The following ARL5A variants were observed in gnomAD, a reference collection of about 807,000 sequenced individuals.
The protein encoded by ARL5A is ADP-ribosylation factor-like protein 5A.
Under a neutral mutation model 25.9 loss-of-function variants are expected in ARL5A, and 18 were observed. That is an observed-to-expected ratio of 0.69 (90% CI 0.48 to 1.03). The LOEUF is 1.03. Ranked by LOEUF, ARL5A falls within the 50% of genes least tolerant of loss-of-function variation. ARL5A has a pLI of 0.00. For synonymous variants in ARL5A, 61 were observed against 67.5 expected, an observed-to-expected ratio of 0.90 and a Z score of 0.47; for missense variants, 170 against 211.9, an observed-to-expected ratio of 0.80 and a Z score of 1.23.
chr2:151,820,875 G>A (rs2099832215), intron 1 of ARL5A, among the ~76,000 whole-genome samples: 1 of 152,088 alleles, frequency 6.6e-6, no homozygotes, highest in South Asian at 2.1e-4. Context: ...AGGGTAGAAG[G>A]AAAGATGAAA....
rs2099833368 is a variant in ARL5A at position 151,828,270 on chromosome 2, C to A, written c.-94G>T. The stretch of plus-strand genomic sequence containing the variant: ...GGAGGAGAGAGACGCGCTGGAGCCT[C>A]CGCCTCTGCTGCTGCTCCCGCGCTG... On this transcript the variant is annotated 5_prime_UTR_variant, in exon 1 of 6. Transcript: ENST00000295087. 8.8e-7 allele frequency: 1 copy of A among 1,142,000 alleles called. No homozygotes were observed. Among genetic ancestry groups the A allele is most frequent in the African/African-American group, 1.6e-5 (1 of 62,264 alleles). The allele number at this position is 1,142,000 out of a possible 1,614,324, so 70.7% of individuals were successfully genotyped here.
chr2:151,807,578 C>A (rs1024265648), intron 4 of ARL5A, among the ~76,000 whole-genome samples: 1 of 152,178 alleles, frequency 6.6e-6, no homozygotes, highest in Admixed American at 6.5e-5. Context: ...TACCTTCTAG[C>A]TGCATAGGAA....
chr2:151,820,694 A>AT (rs1263404324), intron 1 of ARL5A, among the ~76,000 whole-genome samples: 65 of 142,994 alleles, frequency 4.5e-4, no homozygotes, highest in South Asian at 8.9e-4. Context: ...AACAGAATCC[A>AT]TATGTCTGGC....
At chr2:151,819,019 C>A (rs897114380) in intron 1 of ARL5A, among the ~76,000 whole-genome samples, 1 of 151,750 alleles carries the variant, frequency 6.6e-6, no homozygotes, top group African/African-American at 2.4e-5. Context: ...ATTACTCTGA[C>A]CAATGAAATA....
chr2:151,812,940 T>C (rs2099831041), intron 3 of ARL5A, among the ~76,000 whole-genome samples: 1 of 152,168 alleles, frequency 6.6e-6, no homozygotes, highest in Non-Finnish European at 1.5e-5. Context: ...CTCTCTTCCT[T>C]ACATAAGTAT....
In ARL5A at chr2:151,804,095, T is replaced by C. The variant is rs80254537; in HGVS notation, c.492-771A>G. Among the ~76,000 whole-genome samples the C allele has an allele frequency of 3.7e-3, 564 of 152,286 alleles. 9 individuals are homozygous for C. In the East Asian group the frequency reaches 0.055, roughly 15 times the overall value. Reference sequence around the variant, plus strand: ...TTATAATAGGATAAAATGCTCATGATATAAATGAAAAATGGCAGGATATTC... The same window carrying C: ...TTATAATAGGATAAAATGCTCATGACATAAATGAAAAATGGCAGGATATTC... On this transcript the variant is annotated intron_variant, in intron 5 of 5. Transcript: ENST00000295087.
intron 3 of ARL5A, among the ~76,000 whole-genome samples, chr2:151,813,844 T>C (rs2099831157): frequency 6.6e-6 from 1 of 152,202 alleles, no homozygotes; most frequent in Non-Finnish European, 1.5e-5. Context: ...TCTCATTTGG[T>C]GAGCTAAACT....
At chr2:151,826,413 T>A (rs1052143875) in intron 1 of ARL5A, among the ~76,000 whole-genome samples, 13 of 152,218 alleles carry the variant, frequency 8.5e-5, no homozygotes, top group African/African-American at 2.4e-4. Context: ...CACACCCTTA[T>A]TATTTACTAC....
chr2:151,826,478 A>T (rs1006567310), intron 1 of ARL5A, among the ~76,000 whole-genome samples: 2 of 152,220 alleles, frequency 1.3e-5, no homozygotes, highest in Non-Finnish European at 2.9e-5. Context: ...GAAACAAATA[A>T]TTTTATCATT....
At chr2:151,817,900 G>A (rs2099831732) in intron 1 of ARL5A, among the ~76,000 whole-genome samples, 1 of 152,210 alleles carries the variant, frequency 6.6e-6, no homozygotes, top group Non-Finnish European at 1.5e-5. Context: ...AGCTACTTGG[G>A]AGGCTGAGGC....
At chr2:151,815,338 T>C (rs1037970991) in intron 1 of ARL5A, 139 bp from the exon 2 acceptor site, 3 of 650,560 alleles carry the variant, frequency 4.6e-6, no homozygotes, top group Non-Finnish European at 5.2e-6. Context: ...TTCTCAGAAG[T>C]CAAAAGAACA....
chr2:151,811,513 G>A (rs115384310), intron 4 of ARL5A, among the ~76,000 whole-genome samples: 1,892 of 151,516 alleles, frequency 0.012, 41 homozygotes, highest in African/African-American at 0.044. Context: ...TTATGTTACC[G>A]TAATATTTTT....
intron 1 of ARL5A, among the ~76,000 whole-genome samples, chr2:151,819,836 A>G (rs2099832023): frequency 6.6e-6 from 1 of 151,992 alleles, no homozygotes; most frequent in Non-Finnish European, 1.5e-5. Context: ...CAGGTGGATC[A>G]CAAAGTCAGG....
chr2:151,806,151 T>C (rs1211799740), intron 5 of ARL5A, among the ~76,000 whole-genome samples: 1 of 152,176 alleles, frequency 6.6e-6, no homozygotes, highest in Non-Finnish European at 1.5e-5. Context: ...GATTTGACAA[T>C]GCTGACCACA....
intron 1 of ARL5A, among the ~76,000 whole-genome samples, chr2:151,820,351 G>A (rs905000241): frequency 6.6e-6 from 1 of 152,016 alleles, no homozygotes; most frequent in Non-Finnish European, 1.5e-5. Flanking sequence ...TATAGTAGAT[G>A]ATACAGGGTA....
chr2:151,814,424 T>C, intron 2 of ARL5A, 108 bp from the exon 3 acceptor site: 1 of 865,770 alleles, frequency 1.2e-6, no homozygotes, highest in Non-Finnish European at 1.7e-6. Context: ...AATTTATACC[T>C]AAATATCTTT....
intron 1 of ARL5A, among the ~76,000 whole-genome samples, chr2:151,816,813 A>G (rs1475170367): frequency 1.3e-5 from 2 of 152,232 alleles, no homozygotes; most frequent in Non-Finnish European, 2.9e-5. Flanking sequence ...AGTAGCAATA[A>G]GCTGCAGCTC....
At chr2:151,817,324 T>C (rs1345171542) in intron 1 of ARL5A, among the ~76,000 whole-genome samples, 2 of 152,262 alleles carry the variant, frequency 1.3e-5, no homozygotes, top group East Asian at 1.9e-4. Flanking sequence ...TTCAACTGTA[T>C]AGAATACATA....
intron 1 of ARL5A, chr2:151,827,896 C>T (rs1298371186): frequency 1.8e-6 from 1 of 546,102 alleles, no homozygotes; most frequent in Non-Finnish European, 3.2e-6. Context: ...GGGTCTATTA[C>T]GGAAAAGACT....
Sources: allele counts gnomAD v4.1 joint callset (sites outside exome capture counted in the v4.1 genomes callset), GRCh38; gene constraint gnomAD v4.1.1; transcripts MANE v1.5; gene names NCBI Gene and HGNC (gene_info 2026-07-23, HGNC 2026-07-21).